SETX: variants seen among roughly 807,000 people sequenced by gnomAD.
SETX encodes senataxin, also known as helicase senataxin.
In SETX, 90 loss-of-function variants were observed where a neutral mutation model predicts 227.2. That is an observed-to-expected ratio of 0.40 (90% CI 0.33 to 0.47). The LOEUF is 0.47. Among genes scored for constraint, SETX ranks in the 20% least tolerant of loss-of-function variants. SETX has a pLI of 0.91. For missense variants in SETX, 3,052 were observed against 3,181.5 expected (o/e 0.96, Z 0.98); for synonymous variants, 1,210 against 1,113.2 (o/e 1.09, Z -1.73).
chr9:132,308,951 C>T (rs141020432), intron 11 of SETX, among the ~76,000 whole-genome samples: 62 of 152,160 alleles, frequency 4.1e-4, no homozygotes, highest in Middle Eastern at 3.4e-3. Flanking sequence ...CCAGCCTGGC[C>T]AATAGGTGAA....
rs777350478 is a variant in SETX, at chr9:132,329,970, A to G, written c.1628T>C (p.Leu543Pro). The change falls in exon 10 of 26, where the codon CTT becomes CCT. Residue 543 changes from leucine (L) to proline (P), a missense_variant. Transcript: ENST00000224140. ...CTGCCCAAGCTGATAACCTTCTTTA[A>G]GGAGACTTCTAATCAGCTGCACATA... ...LAYVQLIRSL[L>P]KEGYQLGQQS... The G allele has an allele frequency of 6.2e-7, 1 of 1,614,188 alleles. No individual in the cohort carries two copies. Among genetic ancestry groups the G allele is most frequent in the South Asian group, 1.1e-5 (1 of 91,082 alleles).
rs1842425959 is a variant in SETX at position 132,261,914 on chromosome 9, A to G, written c.*2325T>C. 1 of 154,450 alleles carries G rather than the reference A, an allele frequency of 6.5e-6. No individual in the cohort carries two copies. Among genetic ancestry groups the G allele is most frequent in the Non-Finnish European group, 1.5e-5 (1 of 68,220 alleles). The allele number at this position is 154,450 out of a possible 1,614,324, so 9.6% of individuals were successfully genotyped here. A position where few individuals can be genotyped will look rare whatever the true frequency, so the allele number is the denominator to read the frequency against. On this transcript the variant is annotated 3_prime_UTR_variant, in exon 26 of 26. Transcript: ENST00000224140. ...AAGAGCCACACTTCACACCTTGTAAAAAGAATAGCCCTGTTCAACAACGCT... is the reference window on the plus strand; with the variant it reads ...AAGAGCCACACTTCACACCTTGTAAGAAGAATAGCCCTGTTCAACAACGCT...
Position 132,284,654 on chromosome 9 carries a change from T to C in SETX, c.6397-1241A>G, listed in dbSNP as rs118104071. ...GCTACAAAATGTTACAGGAGTCTTA[T>C]GATCCAACACAAGTACAGGGAGTTT... On this transcript the variant is annotated intron_variant, in intron 18 of 25. Transcript: ENST00000224140. Among the ~76,000 whole-genome samples, 12 of 152,336 alleles carry C rather than the reference T, an allele frequency of 7.9e-5. No homozygotes were observed. In the East Asian group the frequency reaches 2.1e-3, roughly 27 times the overall value.
In SETX at chr9:132,347,651, C is replaced by T. The variant is rs1031399855; in HGVS notation, c.178-1180G>A. ...TAGAAGTTTTCTATAAATATCTCAA[C>T]ATCCCTATCAACTACATTCAAAAAA... On this transcript the variant is annotated intron_variant, in intron 3 of 25. Transcript: ENST00000224140. 4.0e-5 allele frequency among the ~76,000 whole-genome samples: 6 copies of T among 151,296 alleles called. No individual in the cohort carries two copies. In the South Asian group the frequency reaches 6.2e-4, roughly 16 times the overall value.
intron 6 of SETX, 60 bp downstream of exon 6, chr9:132,336,236 G>A: frequency 7.1e-7 from 1 of 1,416,912 alleles, no homozygotes; most frequent in Non-Finnish European, 9.9e-7. Context: ...GAGTGAGACT[G>A]TCTCAAAAAA....
chr9:132,296,560 CAA>C (rs1165033976), intron 14 of SETX, among the ~76,000 whole-genome samples: 1 of 127,012 alleles, frequency 7.9e-6, no homozygotes. Flanking sequence ...GACACTGTCT[CAA>C]AAAAAAAAAA....
In SETX at chr9:132,263,079, GAT is replaced by G. The variant is rs1252819264; in HGVS notation, c.*1158_*1159del. 2 of 152,154 alleles carry G rather than the reference GAT, an allele frequency of 1.3e-5. No homozygotes were observed. Among genetic ancestry groups the G allele is most frequent in the Non-Finnish European group, 2.9e-5 (2 of 68,040 alleles). The allele number at this position is 152,154 out of a possible 1,614,324, so 9.4% of individuals were successfully genotyped here. On this transcript the variant is annotated 3_prime_UTR_variant, in exon 26 of 26. Coordinates refer to ENST00000224140, the MANE Select transcript of SETX (RefSeq NM_015046.7). The stretch of plus-strand genomic sequence containing the variant: ...TAATAGTAGCTGGAAACACCTATCA[GAT>G]ATTCTAAACAGCATGTATTTTTACC...
intron 5 of SETX, among the ~76,000 whole-genome samples, chr9:132,342,202 G>A (rs1310075794): frequency 1.3e-5 from 2 of 152,120 alleles, no homozygotes; most frequent in African/African-American, 2.4e-5. Context: ...TAGCCAAAGG[G>A]CTATGTCAGG....
intron 10 of SETX, among the ~76,000 whole-genome samples, chr9:132,315,969 TTTG>T (rs766187203): frequency 2.0e-5 from 3 of 152,184 alleles, no homozygotes; most frequent in Non-Finnish European, 4.4e-5. Flanking sequence ...AACTAGGTGT[TTTG>T]TTTTTTCAAC....
chr9:132,319,965 A>G (rs1846218211), intron 10 of SETX, among the ~76,000 whole-genome samples: 1 of 152,188 alleles, frequency 6.6e-6, no homozygotes, highest in African/African-American at 2.4e-5. Flanking sequence ...AGATAACAGA[A>G]AGCATATCTA....
At chr9:132,277,245 T>C in intron 21 of SETX, 93 bp from the exon 22 acceptor site, 1 of 1,086,900 alleles carries the variant, frequency 9.2e-7, no homozygotes, top group Non-Finnish European at 1.4e-6. Flanking sequence ...TGTGGTGATG[T>C]GGGCTGGGGC....
In SETX at chr9:132,264,820, T is replaced by G; in HGVS notation, c.7453A>C (p.Arg2485=). The G allele has an allele frequency of 6.2e-7, 1 of 1,614,230 alleles. No homozygotes were observed. The highest frequency in any genetic ancestry group is 8.5e-7 in the Non-Finnish European group (1 of 1,180,044). Residue 2485 remains arginine (R), a synonymous_variant, in exon 26 of 26, where the codon AGA becomes CGA. Coordinates refer to ENST00000224140, the MANE Select transcript of SETX (RefSeq NM_015046.7). Reference sequence around the variant, plus strand: ...CTGCTGGGCAAACCACCCTGGGGTCTGGACCCCTCTGGGGCTATGGTAGGA... The same window carrying G: ...CTGCTGGGCAAACCACCCTGGGGTCGGGACCCCTCTGGGGCTATGGTAGGA... ...HPPTIAPEGS[R]PQGGLPSSKL... is the part of the protein sequence containing the mutation.
rs66524976 is a variant in SETX, at chr9:132,353,630, T to TAA, written c.-8+17_-8+18dup. 21 of 149,406 alleles carry TAA rather than the reference T, an allele frequency of 1.4e-4. No individual in the cohort carries two copies. Among genetic ancestry groups the TAA allele is most frequent in the East Asian group, 2.0e-4 (1 of 5,100 alleles). The allele number at this position is 149,406 out of a possible 1,614,324, so 9.3% of individuals were successfully genotyped here. A position where few individuals can be genotyped will look rare whatever the true frequency, so the allele number is the denominator to read the frequency against. On this transcript the variant is annotated intron_variant, in intron 2 of 25. Coordinates refer to ENST00000224140, the MANE Select transcript of SETX (RefSeq NM_015046.7). ...TTACCTTGGTGCTCTGAACTCCTGC[T>TAA]AAAAAAAAAAATTATTACCTGGACA...
At position 132,328,526 on chromosome 9, in the gene SETX, A is replaced by G; in HGVS notation, c.3072T>C (p.Asp1024=). Residue 1024 remains aspartate (D), a synonymous_variant, in exon 10 of 26, where the codon GAT becomes GAC. Coordinates refer to ENST00000224140, the MANE Select transcript of SETX (RefSeq NM_015046.7). ...IIISDSDDDD[D]ERILSLEKLT... ...GTTTCTCAAGACTCAGGATTCTTTC[A>G]TCATCATCATCATCAGAATCTGAAA... The G allele has an allele frequency of 6.2e-7, 1 of 1,611,594 alleles. No individual in the cohort carries two copies. Among genetic ancestry groups the G allele is most frequent in the Non-Finnish European group, 8.5e-7 (1 of 1,179,320 alleles).
rs1313581518 is a variant in SETX at position 132,286,756 on chromosome 9, T to C, written c.6325-262A>G. ...CATCACGCCACCCTTAACTTCCAGG[T>C]GATTCAAATGAGGCTGTAAATCACA... On this transcript the variant is annotated intron_variant, in intron 17 of 25. Coordinates refer to ENST00000224140, the MANE Select transcript of SETX (RefSeq NM_015046.7). Among the ~76,000 whole-genome samples, 3 of 152,180 alleles carry C rather than the reference T, an allele frequency of 2.0e-5. No homozygotes were observed. The East Asian group carries it at 5.8e-4, about 29-fold the overall frequency.
chr9:132,327,538 T>C lies in SETX; in HGVS notation c.4060A>G (p.Ile1354Val). The change falls in exon 10 of 26, where the codon ATC becomes GTC. Residue 1354 changes from isoleucine (I) to valine (V), a missense_variant. Transcript: ENST00000224140. ...TSQELQMQRQ[I>V]RPKSQKNRRR... ...CTATTTTTTTGTGATTTGGGTCTGA[T>C]CTGCCTTTGCATCTGAAGTTCTTGA... 1 of 1,614,128 alleles carries C rather than the reference T, an allele frequency of 6.2e-7. No homozygotes were observed. The highest frequency in any genetic ancestry group is 8.5e-7 in the Non-Finnish European group (1 of 1,180,046).
intron 11 of SETX, among the ~76,000 whole-genome samples, chr9:132,309,362 G>C (rs1845514363): frequency 6.6e-6 from 1 of 151,624 alleles, no homozygotes; most frequent in African/African-American, 2.4e-5. Flanking sequence ...ATAGTACTGG[G>C]ATAATCAGAC....
chr9:132,291,101 C>T (rs1844269856), intron 15 of SETX, among the ~76,000 whole-genome samples: 1 of 151,012 alleles, frequency 6.6e-6, no homozygotes, highest in Non-Finnish European at 1.5e-5. Context: ...TATTTTTTAT[C>T]CCAGTTCAGC....
chr9:132,311,353 C>A (rs1845640934), intron 11 of SETX, among the ~76,000 whole-genome samples: 1 of 151,980 alleles, frequency 6.6e-6, no homozygotes, highest in African/African-American at 2.4e-5. Flanking sequence ...TTAAAGAGTT[C>A]TGAATGTTTG....
Sources: gnomAD v4.1 joint callset for allele counts (sites outside exome capture counted in the v4.1 genomes callset) on GRCh38, gnomAD v4.1.1 for gene constraint, MANE v1.5 for transcripts, NCBI Gene and HGNC (gene_info 2026-07-23, HGNC 2026-07-21) for gene names.